The following ALMS1 variants were observed in gnomAD, a reference collection of about 807,000 sequenced individuals.
ALMS1 encodes the protein ALMS1 centrosome and basal body associated protein.
ALMS1 carries 271 observed loss-of-function variants against 352.2 expected under a neutral mutation model. The ratio of observed to expected loss-of-function variants is 0.77; its 90% confidence interval spans 0.70 to 0.85. ALMS1 has a LOEUF of 0.85. Ranked by LOEUF, ALMS1 falls within the 40% of genes least tolerant of loss-of-function variation. ALMS1 has a pLI of 0.00. For synonymous variants in ALMS1, 1,865 were observed against 1,761.2 expected (o/e 1.06, Z -1.48); for missense variants, 5,445 against 4,870.7 (o/e 1.12, Z -3.51).
chr2:73,550,371 A>C lies in ALMS1; in HGVS notation c.10012A>C (p.Ser3338Arg). 6.2e-7 allele frequency: 1 copy of C among 1,614,222 alleles called. No homozygotes were observed. The highest frequency in any genetic ancestry group is 8.5e-7 in the Non-Finnish European group (1 of 1,180,022). Residue 3338 changes from serine (S) to arginine (R), a missense_variant, in exon 13 of 23, where the codon AGT (serine) becomes CGT (arginine). By Grantham distance (110) the Ser-to-Arg change is moderately radical (BLOSUM62 -1). Transcript: ENST00000613296. ...VNIKHKEGIY[S>R]KRVVTKASLP... ...CATTAAACATAAAGAAGGAATCTAC[A>C]GTAAGAGGGTAGTGACTAAGGCATC... is the stretch of plus-strand genomic sequence containing the variant.
At chr2:73,572,086 C>T (rs531721566) in intron 15 of ALMS1, among the ~76,000 whole-genome samples, 176 bp from the exon 16 acceptor site, 22 of 152,220 alleles carry the variant, frequency 1.4e-4, no homozygotes, top group Non-Finnish European at 2.6e-4. Flanking sequence ...ACTGTACCAG[C>T]GAGGCTACTA....
At chr2:73,426,698 A>G in intron 6 of ALMS1, 145 bp downstream of exon 6, 1 of 812,536 alleles carries the variant, frequency 1.2e-6, no homozygotes, top group Non-Finnish European at 2.0e-6. Context: ...ACATTGAGCT[A>G]GCAGCTTTAG....
intron 9 of ALMS1, among the ~76,000 whole-genome samples, chr2:73,465,104 C>A (rs550179621): frequency 3.3e-5 from 5 of 152,148 alleles, no homozygotes; most frequent in African/African-American, 4.8e-5. Flanking sequence ...ATCAAGCTAC[C>A]GGTGACTTTC....
chr2:73,563,575 T>G (rs1279645589), intron 15 of ALMS1, among the ~76,000 whole-genome samples: 5 of 151,414 alleles, frequency 3.3e-5, no homozygotes, highest in African/African-American at 1.2e-4. Flanking sequence ...ACAAAAAAAT[T>G]AGCCGGGCGT....
chr2:73,414,475 T>TTTTTTTTTTTG (rs200592869), intron 2 of ALMS1, among the ~76,000 whole-genome samples: 1 of 73,964 alleles, frequency 1.4e-5, no homozygotes, highest in Non-Finnish European at 2.3e-5. Flanking sequence ...TTTTTTCCGT[T>TTTTTTTTTTTG]TTTTTTTTTT....
At chr2:73,483,973 A>C (rs1392127847) in intron 9 of ALMS1, among the ~76,000 whole-genome samples, 212 of 150,814 alleles carry the variant, frequency 1.4e-3, no homozygotes, top group South Asian at 3.8e-3. Flanking sequence ...GTGTCTCTGC[A>C]TGTGAGATGG....
intron 12 of ALMS1, among the ~76,000 whole-genome samples, chr2:73,535,313 A>G (rs1674004824): frequency 6.6e-6 from 1 of 152,216 alleles, no homozygotes; most frequent in Non-Finnish European, 1.5e-5. Context: ...GAATTAGAAC[A>G]TAAATACTAA....
intron 1 of ALMS1, among the ~76,000 whole-genome samples, chr2:73,403,559 T>A (rs1037435314): frequency 5.9e-5 from 9 of 152,130 alleles, no homozygotes; most frequent in Non-Finnish European, 8.8e-5. Context: ...TTTTCTATTT[T>A]TGTGAAAAAT....
At chr2:73,595,712 T>C (rs1413663271) in intron 16 of ALMS1, among the ~76,000 whole-genome samples, 2 of 152,244 alleles carry the variant, frequency 1.3e-5, no homozygotes, top group Non-Finnish European at 2.9e-5. Context: ...ATTGCCTAAG[T>C]GTTTTCCAGA....
chr2:73,461,998 C>T (rs1214458229), intron 9 of ALMS1, among the ~76,000 whole-genome samples: 53 of 151,804 alleles, frequency 3.5e-4, no homozygotes, highest in Admixed American at 1.0e-3. Flanking sequence ...CTGAAAGTGA[C>T]AGGGAGAATG....
At chr2:73,595,472 C>G (rs140187321) in intron 16 of ALMS1, among the ~76,000 whole-genome samples, 1 of 152,270 alleles carries the variant, frequency 6.6e-6, no homozygotes, top group Non-Finnish European at 1.5e-5. Context: ...TAGTATGCAT[C>G]AGTGGTTCCT....
intron 9 of ALMS1, among the ~76,000 whole-genome samples, chr2:73,477,212 T>C (rs557774881): frequency 2.8e-4 from 42 of 152,136 alleles, no homozygotes; most frequent in Non-Finnish European, 4.9e-4. Context: ...CATATAGATA[T>C]TGAGTTGTTT....
At chr2:73,530,410 TCATA>T (rs1363232333) in intron 11 of ALMS1, among the ~76,000 whole-genome samples, 3 of 152,214 alleles carry the variant, frequency 2.0e-5, no homozygotes, top group African/African-American at 7.2e-5. Flanking sequence ...TGACTCCATG[TCATA>T]CATCCAGGGC....
At chr2:73,512,422 T>G (rs1305452929) in intron 10 of ALMS1, among the ~76,000 whole-genome samples, 1 of 151,934 alleles carries the variant, frequency 6.6e-6, no homozygotes, top group Admixed American at 6.6e-5. Context: ...GCCTTCCTGA[T>G]TGGTATATAG....
chr2:73,454,509 T>C, intron 8 of ALMS1: 1 of 318,980 alleles, frequency 3.1e-6, no homozygotes, highest in Non-Finnish European at 4.5e-6. Flanking sequence ...TAAAACTACA[T>C]ATATTTTCTC....
intron 9 of ALMS1, among the ~76,000 whole-genome samples, chr2:73,467,803 C>CA (rs1672387462): frequency 6.6e-6 from 1 of 152,052 alleles, no homozygotes; most frequent in Non-Finnish European, 1.5e-5. Context: ...AAAGCTGTCA[C>CA]ACACGTTATG....
chr2:73,606,532 A>G (rs1675822428), intron 21 of ALMS1, among the ~76,000 whole-genome samples: 1 of 152,250 alleles, frequency 6.6e-6, no homozygotes, highest in African/African-American at 2.4e-5. Context: ...CGAGAAATAT[A>G]TGAGTGGATT....
chr2:73,484,894 C>T (rs545640833), intron 9 of ALMS1, among the ~76,000 whole-genome samples: 246 of 152,332 alleles, frequency 1.6e-3, no homozygotes, highest in Admixed American at 3.3e-3. Context: ...GCATTCTTCA[C>T]ATAGTTCTCG....
intron 15 of ALMS1, 141 bp from the exon 16 acceptor site, chr2:73,572,121 C>CA: frequency 1.4e-6 from 1 of 699,328 alleles, no homozygotes; most frequent in Non-Finnish European, 2.3e-6. Flanking sequence ...GTCTTTTGTG[C>CA]AGGCAGTGAA....
Sources: allele counts gnomAD v4.1 joint callset (sites outside exome capture counted in the v4.1 genomes callset), GRCh38; gene constraint gnomAD v4.1.1; transcripts MANE v1.5; gene names NCBI Gene and HGNC (gene_info 2026-07-23, HGNC 2026-07-21).